The following SCN10A variants were observed in gnomAD, a reference collection of about 807,000 sequenced individuals.
SCN10A encodes sodium voltage-gated channel alpha subunit 10.
In SCN10A, 162 loss-of-function variants were observed where a neutral mutation model predicts 170.7. The ratio of observed to expected loss-of-function variants is 0.95; its 90% CI spans 0.84 to 1.08. The LOEUF (loss-of-function observed/expected upper bound fraction) is 1.08. SCN10A is among the 50% of genes least tolerant of loss of function. The pLI, the probability that SCN10A is intolerant of heterozygous loss-of-function variation, is 0.00. For missense variants in SCN10A, 2,527 were observed against 2,436.9 expected (o/e 1.04, Z -0.78); for synonymous variants, 985 against 904.6 (o/e 1.09, Z -1.59).
At position 38,756,460 on chromosome 3, in the gene SCN10A, T is replaced by C. The variant is rs184835712; in HGVS notation, c.1290+214A>G. On this transcript the variant is annotated intron_variant, in intron 10 of 27. Transcript: ENST00000449082. ...CCCCATTCTGTTTTGCTTCATTCGCTTTCTCCTGAGAGCACTCCCTCAATA... is the reference window on the plus strand; with the variant it reads ...CCCCATTCTGTTTTGCTTCATTCGCCTTCTCCTGAGAGCACTCCCTCAATA... 1.1e-3 allele frequency among the ~76,000 whole-genome samples: 174 copies of C among 152,282 alleles called. 1 individual carries two copies. The highest frequency in any genetic ancestry group is 6.8e-3 in the Middle Eastern group (2 of 294).
intron 1 of SCN10A, among the ~76,000 whole-genome samples, chr3:38,801,243 T>C (rs891091658): frequency 8.5e-5 from 13 of 152,096 alleles, no homozygotes; most frequent in African/African-American, 1.2e-4. Flanking sequence ...CCTCATGAGG[T>C]GAATTACTCA....
intron 4 of SCN10A, 101 bp downstream of exon 4, chr3:38,788,855 A>G: frequency 1.4e-6 from 1 of 735,294 alleles, no homozygotes; most frequent in South Asian, 1.6e-5. Flanking sequence ...AGCATTACCC[A>G]CATGAGGCAT....
At chr3:38,705,967 A>G (rs993555005) in intron 26 of SCN10A, among the ~76,000 whole-genome samples, 1 of 152,082 alleles carries the variant, frequency 6.6e-6, no homozygotes, top group African/African-American at 2.4e-5. Flanking sequence ...TTGTTGATGG[A>G]GGGATACTCA....
chr3:38,712,294 G>C lies in SCN10A; in HGVS notation c.3956C>G (p.Ser1319Cys), dbSNP rs773281939. 3.1e-6 allele frequency: 5 copies of C among 1,614,062 alleles called. No individual in the cohort carries two copies. The Admixed American group carries it at 6.7e-5, about 22-fold the overall frequency. The change falls in exon 23 of 28, where the codon TCC becomes TGC. Residue 1319 changes from serine (S) to cysteine (C), a missense_variant. Ser to Cys is a moderately radical substitution (Grantham distance 112). Transcript: ENST00000449082. Reference sequence around the variant, plus strand: ...ATTCACAATCGACAAAGGTACAAGGGAAAACTCTCCATCGGTATAGTTGAT... The same window carrying C: ...ATTCACAATCGACAAAGGTACAAGGCAAAACTCTCCATCGGTATAGTTGAT... ...RCINYTDGEF[S>C]LVPLSIVNNK...
At chr3:38,754,513 T>G (rs1318536851) in intron 11 of SCN10A, among the ~76,000 whole-genome samples, 1 of 152,194 alleles carries the variant, frequency 6.6e-6, no homozygotes, top group Non-Finnish European at 1.5e-5. Flanking sequence ...GACATCCAAG[T>G]GCTAATCTGT....
intron 4 of SCN10A, among the ~76,000 whole-genome samples, chr3:38,774,070 TAAATA>T (rs903308985): frequency 6.6e-6 from 1 of 152,140 alleles, no homozygotes; most frequent in African/African-American, 2.4e-5. Flanking sequence ...ATATATGTCT[TAAATA>T]AAAGTAAAAG....
At chr3:38,726,217 A>G (rs919838605) in intron 17 of SCN10A, among the ~76,000 whole-genome samples, 3 of 152,240 alleles carry the variant, frequency 2.0e-5, no homozygotes, top group Non-Finnish European at 4.4e-5. Context: ...AATGAGTCAC[A>G]TAAGAATCAG....
At chr3:38,799,656 T>C (rs773549589) in intron 1 of SCN10A, among the ~76,000 whole-genome samples, 4 of 152,186 alleles carry the variant, frequency 2.6e-5, no homozygotes, top group Admixed American at 6.5e-5. Context: ...ATAATTGCAG[T>C]TTTTTATTCT....
chr3:38,697,889 G>T lies in SCN10A; in HGVS notation c.5331C>A (p.Ile1777=). The part of the protein sequence containing the change: ...FADTLSGPLR[I]PKPNRNILIQ... The stretch of plus-strand genomic sequence containing the variant: ...TCAGTATATTTCGATTGGGTTTTGG[G>T]ATTCTCAGGGGACCAGAGAGAGTGT... Residue 1777 remains isoleucine, a synonymous_variant, in exon 28 of 28, where the codon ATC becomes ATA. Transcript: ENST00000449082. 6.2e-7 allele frequency: 1 copy of T among 1,614,114 alleles called. No homozygotes were observed. The highest frequency in any genetic ancestry group is 8.5e-7 in the Non-Finnish European group (1 of 1,180,036).
intron 16 of SCN10A, among the ~76,000 whole-genome samples, chr3:38,727,719 G>A (rs1470152207): frequency 1.3e-5 from 2 of 152,160 alleles, no homozygotes; most frequent in Admixed American, 6.5e-5. Context: ...AACCCAAGTT[G>A]GTTGATGTCC....
intron 15 of SCN10A, among the ~76,000 whole-genome samples, chr3:38,734,451 A>T (rs1287658773): frequency 6.6e-6 from 1 of 152,348 alleles, no homozygotes; most frequent in African/African-American, 2.4e-5. Context: ...TCTTAAGCAA[A>T]TTTTTAGCAA....
At chr3:38,811,396 T>C (rs1185903019) in intron 1 of SCN10A, among the ~76,000 whole-genome samples, 1 of 148,940 alleles carries the variant, frequency 6.7e-6, no homozygotes, top group Non-Finnish European at 1.5e-5. Flanking sequence ...GAGGTTGCAG[T>C]GAGCCGATAT....
intron 21 of SCN10A, among the ~76,000 whole-genome samples, chr3:38,717,507 C>T (rs759655903): frequency 5.3e-5 from 8 of 152,192 alleles, no homozygotes; most frequent in Admixed American, 6.5e-5. Flanking sequence ...GAATTATCAC[C>T]CATGACTCAG....
At chr3:38,787,860 C>T (rs967073233) in intron 4 of SCN10A, among the ~76,000 whole-genome samples, 34 of 151,464 alleles carry the variant, frequency 2.2e-4, no homozygotes, top group African/African-American at 5.1e-4. Context: ...TGTTCCCCTC[C>T]CTGTGTCCAT....
In SCN10A at chr3:38,726,925, C is replaced by A. The variant is rs759458296; in HGVS notation, c.2768G>T (p.Arg923Leu). 1 of 1,614,086 alleles carries A rather than the reference C, an allele frequency of 6.2e-7. No individual in the cohort carries two copies. Among genetic ancestry groups the A allele is most frequent in the Admixed American group, 1.7e-5 (1 of 60,004 alleles). Residue 923 changes from arginine to leucine, a missense_variant, in exon 17 of 28, where the codon CGT becomes CTT. Physicochemically the swap from Arg to Leu is moderately radical, Grantham distance 102. Transcript: ENST00000449082. Reference protein sequence around the residue: ...ALARIQVFGHRTKQALCSFFS... With the variant: ...ALARIQVFGHLTKQALCSFFS... Reference sequence around the variant, plus strand: ...GAAGCTGCAAAGAGCCTGTTTGGTACGATGGCCAAAGACCTGGATCCGTGC... The same window carrying A: ...GAAGCTGCAAAGAGCCTGTTTGGTAAGATGGCCAAAGACCTGGATCCGTGC...
At chr3:38,813,313 C>T (rs1005708391) in intron 1 of SCN10A, among the ~76,000 whole-genome samples, 1 of 152,176 alleles carries the variant, frequency 6.6e-6, no homozygotes, top group African/African-American at 2.4e-5. Context: ...TGTCACCTCA[C>T]ATTGTGGGCA....
intron 1 of SCN10A, among the ~76,000 whole-genome samples, chr3:38,797,445 G>A (rs929504652): frequency 1.3e-5 from 2 of 152,136 alleles, no homozygotes; most frequent in Non-Finnish European, 2.9e-5. Context: ...CCTATTTGTA[G>A]TTGATCTGTT....
intron 16 of SCN10A, 31 bp from the exon 17 acceptor site, chr3:38,727,083 T>G (rs368408162): frequency 1.9e-4 from 298 of 1,582,526 alleles, no homozygotes; most frequent in Non-Finnish European, 2.4e-4. Flanking sequence ...GGAAGATTGA[T>G]CAATCTCTAA....
chr3:38,755,717 C>T (rs2126026847), intron 11 of SCN10A, 71 bp downstream of exon 11: 1 of 1,568,362 alleles, frequency 6.4e-7, no homozygotes, highest in Non-Finnish European at 8.8e-7. Context: ...ACACCTCTTC[C>T]CACTCCAACT....
Sources: gnomAD v4.1 joint callset for allele counts (sites outside exome capture counted in the v4.1 genomes callset) on GRCh38, gnomAD v4.1.1 for gene constraint, MANE v1.5 for transcripts, NCBI Gene and HGNC (gene_info 2026-07-23, HGNC 2026-07-21) for gene names.